The following SBF2 variants were observed in gnomAD, a reference collection of about 807,000 sequenced individuals.
The protein encoded by SBF2 is myotubularin-related protein 13.
Under a neutral mutation model 225.2 loss-of-function variants are expected in SBF2, and 112 were observed. The observed-to-expected ratio is 0.50, with a 90% CI of 0.43 to 0.58. The LOEUF (loss-of-function observed/expected upper bound fraction) is 0.58, where lower values mean the gene tolerates loss of function less well. Ranked by LOEUF, SBF2 falls within the 20% of genes least tolerant of loss-of-function variation. SBF2 has a pLI of 0.00. For missense variants in SBF2, 1,996 were observed against 2,206.2 expected (o/e 0.90, Z 1.91); for synonymous variants, 763 against 773.3 (o/e 0.99, Z 0.22).
intron 2 of SBF2, among the ~76,000 whole-genome samples, chr11:10,092,482 C>A (rs1470944329): frequency 1.3e-5 from 2 of 152,086 alleles, no homozygotes; most frequent in African/African-American, 2.4e-5. Flanking sequence ...TTGCCTAAGA[C>A]AGAATCTGAT....
intron 2 of SBF2, among the ~76,000 whole-genome samples, chr11:10,102,701 T>C (rs1427625170): frequency 6.6e-6 from 1 of 152,126 alleles, no homozygotes; most frequent in African/African-American, 2.4e-5. Context: ...AGGGTATTAT[T>C]TTTTTCTGCA....
chr11:10,204,517 T>C lies in SBF2; in HGVS notation c.56-10530A>G, dbSNP rs1591207567. 2.6e-5 allele frequency among the ~76,000 whole-genome samples: 4 copies of C among 151,918 alleles called. 1 individual carries two copies. The highest frequency in any genetic ancestry group is 4.2e-4 in the South Asian group (2 of 4,796). On this transcript the variant is annotated intron_variant, in intron 1 of 39. Transcript: ENST00000256190. ...AGCTGGGTGTGGTGGCAGGCTCCTG[T>C]AGTCCCAGCTACTCAGGAGGCTGAG...
chr11:9,885,880 C>T (rs1215556342), intron 17 of SBF2, among the ~76,000 whole-genome samples: 2 of 152,088 alleles, frequency 1.3e-5, no homozygotes, highest in African/African-American at 4.8e-5. Context: ...GGACAACCTC[C>T]GTAGCGTTGC....
chr11:9,784,898 A>T, intron 37 of SBF2: 1 of 577,520 alleles, frequency 1.7e-6, no homozygotes, highest in Non-Finnish European at 3.1e-6. Context: ...AAGAGCCATC[A>T]GGACTCAACT....
At chr11:9,873,458 A>G (rs1260214355) in intron 17 of SBF2, among the ~76,000 whole-genome samples, 1 of 152,184 alleles carries the variant, frequency 6.6e-6, no homozygotes, top group African/African-American at 2.4e-5. Context: ...GATCCACTTA[A>G]TATGTATTTA....
intron 1 of SBF2, among the ~76,000 whole-genome samples, chr11:10,285,852 G>C (rs1393501190): frequency 1.3e-5 from 2 of 152,040 alleles, no homozygotes; most frequent in Admixed American, 1.3e-4. Flanking sequence ...ACAGTAAGAA[G>C]TCAAACAACC....
At chr11:9,909,669 CAAAAA>C (rs10595029) in intron 16 of SBF2, among the ~76,000 whole-genome samples, 5 of 123,124 alleles carry the variant, frequency 4.1e-5, no homozygotes, top group Admixed American at 8.1e-5. Context: ...GACTCTGTCT[CAAAAA>C]AAAAAAAAAA....
intron 1 of SBF2, among the ~76,000 whole-genome samples, chr11:10,203,625 G>A (rs529954266): frequency 6.6e-6 from 1 of 151,068 alleles, no homozygotes; most frequent in East Asian, 1.9e-4. Flanking sequence ...GGGCCACAAG[G>A]AGGACAAAAA....
chr11:10,020,187 CTGA>C (rs1219687079), intron 6 of SBF2, among the ~76,000 whole-genome samples: 2 of 152,062 alleles, frequency 1.3e-5, no homozygotes, highest in African/African-American at 4.8e-5. Flanking sequence ...CGGCAGCTTC[CTGA>C]TAAGAGCTCA....
intron 2 of SBF2, among the ~76,000 whole-genome samples, chr11:10,111,779 A>C (rs1952866540): frequency 6.6e-6 from 1 of 152,244 alleles, no homozygotes; most frequent in Non-Finnish European, 1.5e-5. Context: ...CAGGAGGCTG[A>C]GACAGGAGAA....
At chr11:10,004,832 G>A (rs1173996363) in intron 6 of SBF2, among the ~76,000 whole-genome samples, 1 of 152,150 alleles carries the variant, frequency 6.6e-6, no homozygotes, top group Non-Finnish European at 1.5e-5. Context: ...AGACTCAAAA[G>A]AATGCAACCT....
chr11:10,121,013 G>T (rs1953418010), intron 2 of SBF2, among the ~76,000 whole-genome samples: 1 of 152,162 alleles, frequency 6.6e-6, no homozygotes, highest in Non-Finnish European at 1.5e-5. Context: ...TTATCTACCT[G>T]CCTCGGCCTC....
At chr11:10,230,167 T>C (rs1456315859) in intron 1 of SBF2, among the ~76,000 whole-genome samples, 1 of 152,154 alleles carries the variant, frequency 6.6e-6, no homozygotes, top group Non-Finnish European at 1.5e-5. Context: ...GTTTGCTTGG[T>C]AGATCTTCCA....
intron 26 of SBF2, among the ~76,000 whole-genome samples, chr11:9,834,196 A>G (rs549471822): frequency 9.3e-5 from 14 of 150,710 alleles, no homozygotes; most frequent in Non-Finnish European, 3.0e-5. Flanking sequence ...GGGTTCAAGC[A>G]ATTCTCCTGC....
intron 2 of SBF2, among the ~76,000 whole-genome samples, chr11:10,152,208 C>T (rs1021468606): frequency 1.3e-5 from 2 of 152,038 alleles, no homozygotes; most frequent in Non-Finnish European, 2.9e-5. Flanking sequence ...ATGCCAGAAC[C>T]CCTTGATCCA....
intron 17 of SBF2, among the ~76,000 whole-genome samples, chr11:9,887,428 T>C (rs552264676): frequency 1.3e-5 from 2 of 152,056 alleles, no homozygotes; most frequent in Non-Finnish European, 2.9e-5. Flanking sequence ...AAGCAGAAGT[T>C]TTTCAGGAGC....
Position 9,812,570 on chromosome 11 carries a change from A to T in SBF2, c.4117T>A (p.Phe1373Ile). The T allele has an allele frequency of 6.2e-7, 1 of 1,614,230 alleles. No homozygotes were observed. The highest frequency in any genetic ancestry group is 8.5e-7 in the Non-Finnish European group (1 of 1,180,034). ...TCAGAATCTCCCAGCGCTTTCAGGA[A>T]GGTCACTTCTGAGTCAGTAGGGATG... The part of the protein sequence containing the change: ...STIPTDSEVT[F>I]LKALGDSEWF... The change falls in exon 30 of 40, where the codon TTC becomes ATC. Residue 1373 changes from phenylalanine (F) to isoleucine (I), a missense_variant. By Grantham distance (21) the Phe-to-Ile change is conservative (BLOSUM62 0). Coordinates refer to ENST00000256190, the MANE Select transcript of SBF2 (RefSeq NM_030962.4).
chr11:10,129,083 T>G (rs928380139), intron 2 of SBF2, among the ~76,000 whole-genome samples: 10 of 150,900 alleles, frequency 6.6e-5, no homozygotes, highest in Non-Finnish European at 1.2e-4. Flanking sequence ...TTTTGTTATT[T>G]GCACGCAATT....
chr11:9,923,556 A>G (rs1863797894), intron 16 of SBF2, among the ~76,000 whole-genome samples: 1 of 152,218 alleles, frequency 6.6e-6, no homozygotes, highest in Non-Finnish European at 1.5e-5. Flanking sequence ...TGAGTAAGCA[A>G]CCTTAAAGAA....
Sources: gnomAD v4.1 joint callset for allele counts (sites outside exome capture counted in the v4.1 genomes callset) on GRCh38, gnomAD v4.1.1 for gene constraint, MANE v1.5 for transcripts, NCBI Gene and HGNC (gene_info 2026-07-23, HGNC 2026-07-21) for gene names.